The following CFAP46 variants were observed in gnomAD, a reference collection of about 807,000 sequenced individuals.
CFAP46 encodes cilia and flagella associated protein 46, also known as cilia- and flagella-associated protein 46.
A neutral mutation model predicts 325.7 loss-of-function variants in CFAP46; 245 were observed. The ratio of observed to expected loss-of-function variants is 0.75; its 90% CI spans 0.68 to 0.84. The LOEUF (loss-of-function observed/expected upper bound fraction) is 0.84, where lower values mean the gene tolerates loss of function less well. Among genes scored for constraint, CFAP46 ranks in the 40% least tolerant of loss-of-function variants. The pLI, the probability that CFAP46 is intolerant of heterozygous loss-of-function variation, is 0.00. For missense variants in CFAP46, 3,346 were observed against 3,543.0 expected, an observed-to-expected ratio of 0.94 and a Z score of 1.41; for synonymous variants, 1,523 against 1,495.9, an observed-to-expected ratio of 1.02 and a Z score of -0.42.
intron 53 of CFAP46, 31 bp from the exon 54 acceptor site, chr10:132,814,285 C>T (rs535072417): frequency 1.3e-4 from 202 of 1,563,820 alleles, no homozygotes; most frequent in Middle Eastern, 1.7e-4. Context: ...ATACAGACCA[C>T]GGTGTTTCAT....
At chr10:132,878,183 C>T (rs1591067546) in intron 29 of CFAP46, 96 bp from the exon 30 acceptor site, 7 of 1,154,396 alleles carry the variant, frequency 6.1e-6, no homozygotes, top group African/African-American at 1.5e-5. Context: ...CTCAGACCCG[C>T]GGGGCTCCCC....
chr10:132,901,359 CT>C (rs1370979197), intron 22 of CFAP46, among the ~76,000 whole-genome samples: 1 of 152,188 alleles, frequency 6.6e-6, no homozygotes, highest in East Asian at 1.9e-4. Flanking sequence ...CCTTTCTTCC[CT>C]TTTTTTGCAT....
At chr10:132,868,202 G>A (rs1454778315) in intron 33 of CFAP46, among the ~76,000 whole-genome samples, 8 of 152,152 alleles carry the variant, frequency 5.3e-5, no homozygotes, top group East Asian at 1.9e-4. Context: ...CCGAGACGTC[G>A]CTGCTCCCAG....
chr10:132,832,853 C>G lies in CFAP46; in HGVS notation c.7117+505G>C, dbSNP rs1479799476. ...TGTTTACTACACATCTGGTCCCCTC[C>G]TTTGAAACAGGTATTTGTGGGGGCA... On this transcript the variant is annotated intron_variant, in intron 50 of 57. Transcript: ENST00000368586. The surrounding 1 kb of genome is among the most constrained non-coding windows in gnomAD (Gnocchi z 4.1). 3.4e-5 allele frequency: 16 copies of G among 469,410 alleles called. No individual in the cohort carries two copies. Among genetic ancestry groups the G allele is most frequent in the Non-Finnish European group, 6.6e-5 (15 of 225,870 alleles). 29.1% of individuals were successfully genotyped at this position (469,410 alleles called of 1,614,324 possible). A position where few individuals can be genotyped will look rare whatever the true frequency, so the allele number is the denominator to read the frequency against.
At chr10:132,820,758 A>G (rs1211377838) in intron 50 of CFAP46, among the ~76,000 whole-genome samples, 1 of 73,920 alleles carries the variant, frequency 1.4e-5, no homozygotes. Context: ...GTGTGTGCTG[A>G]TGTGTGCTGT....
Position 132,912,732 on chromosome 10 carries a change from T to C in CFAP46, c.2422A>G (p.Arg808Gly), listed in dbSNP as rs1158421949. The part of the protein sequence containing the change: ...WIPVQAAEKS[R>G]KFMRPNAFHS... ...AACGCGTTTGGTCGCATGAATTTCC[T>C]GGACTTCTCGGCAGCCTGGACTGGA... The change falls in exon 19 of 58, where the codon AGG (arginine) becomes GGG (glycine). Residue 808 changes from arginine to glycine, a missense_variant. Coordinates refer to ENST00000368586, the MANE Select transcript of CFAP46 (RefSeq NM_001200049.3). 1 of 1,550,400 alleles carries C rather than the reference T, an allele frequency of 6.4e-7. No homozygotes were observed. The highest frequency in any genetic ancestry group is 1.2e-5 in the South Asian group (1 of 84,066).
At chr10:132,891,298 C>T (rs964610322) in intron 25 of CFAP46, among the ~76,000 whole-genome samples, 9 of 152,146 alleles carry the variant, frequency 5.9e-5, no homozygotes, top group Admixed American at 6.5e-5. Flanking sequence ...TGAAGTATGC[C>T]TGAAAAACGA....
rs537340056 is a variant in CFAP46, at chr10:132,869,939, G to A, written c.4512-567C>T. On this transcript the variant is annotated intron_variant, in intron 32 of 57. Transcript: ENST00000368586. The surrounding 1 kb of genome is among the most constrained non-coding windows in gnomAD (Gnocchi z 6.2). ...CATTTATCAAACTGTGCTGTATTGC[G>A]CTGCTCAGATGTTGCATATTTTACA... Among the ~76,000 whole-genome samples the A allele has an allele frequency of 2.2e-4, 34 of 152,268 alleles. No individual in the cohort carries two copies. Among genetic ancestry groups the A allele is most frequent in the Non-Finnish European group, 1.8e-4 (12 of 68,030 alleles).
chr10:132,936,751 G>C (rs916118067), intron 7 of CFAP46, among the ~76,000 whole-genome samples: 2 of 152,022 alleles, frequency 1.3e-5, no homozygotes, highest in Non-Finnish European at 2.9e-5. Flanking sequence ...TCTCCTCTGT[G>C]CTGGGAGGGA....
rs370707045 is a variant in CFAP46 at position 132,850,254 on chromosome 10, G to T, written c.5942C>A (p.Ala1981Glu). 442 of 1,550,526 alleles carry T rather than the reference G, an allele frequency of 2.9e-4. No individual in the cohort carries two copies. Among genetic ancestry groups the T allele is most frequent in the Non-Finnish European group, 3.7e-4 (425 of 1,146,880 alleles). Residue 1981 changes from alanine to glutamate, a missense_variant, in exon 41 of 58, where the codon GCG becomes GAG. Physicochemically the swap from Ala to Glu is moderately radical, Grantham distance 107. Transcript: ENST00000368586. ...AGCAGGAGCACCTACCGAGGGGCCC[G>T]CCTCCCAGTAGCAGGTAGGGTGCAC... Reference protein sequence around the residue: ...DPVHPTCYWEAGPSVGAKLSG... With the variant: ...DPVHPTCYWEEGPSVGAKLSG...
Position 132,938,610 on chromosome 10 carries a change from T to A in CFAP46, c.515A>T (p.Glu172Val). ...TCACAGCATCAGCTCAGCACGCCAC[T>A]CCTTGTCTTCCTCCTCAGTCTGACT... ...VLSQTEEEDK[E>V]WRAELMLELL... The change falls in exon 5 of 58, where the codon GAG (glutamate) becomes GTG (valine). Residue 172 changes from glutamate to valine, a missense_variant. Glu to Val is a moderately radical substitution (Grantham distance 121). Transcript: ENST00000368586. 6.2e-7 allele frequency: 1 copy of A among 1,613,352 alleles called. No individual in the cohort carries two copies. Among genetic ancestry groups the A allele is most frequent in the Non-Finnish European group, 8.5e-7 (1 of 1,179,968 alleles).
Position 132,822,989 on chromosome 10 carries a change from CTG to C in CFAP46, c.7118-8077_7118-8076del, listed in dbSNP as rs1247095593. 8.0e-5 allele frequency among the ~76,000 whole-genome samples: 9 copies of C among 112,304 alleles called. No homozygotes were observed. In the East Asian group the frequency reaches 1.5e-3, roughly 19 times the overall value. 73.7% of individuals were successfully genotyped at this position (112,304 alleles called of 152,430 possible). A position where few individuals can be genotyped will look rare whatever the true frequency, so the allele number is the denominator to read the frequency against. On this transcript the variant is annotated intron_variant, in intron 50 of 57. Transcript: ENST00000368586. The stretch of plus-strand genomic sequence containing the variant: ...TGTGCTGTGTGTGCAGTGATGTGTG[CTG>C]TGTGTGTGCTGATGTGTGCTGTGTG...
chr10:132,814,626 A>G lies in CFAP46; in HGVS notation c.7250-14T>C, dbSNP rs1461638406. On this transcript the variant is annotated splice_polypyrimidine_tract_variant and intron_variant, in intron 52 of 57. Transcript: ENST00000368586. ...GGTCCACGACGACTGGGTCCCGGTC[A>G]AGGAGAAACGGGAGCACAGGGCGGG... The G allele has an allele frequency of 1.9e-6, 3 of 1,579,154 alleles. No individual in the cohort carries two copies. The highest frequency in any genetic ancestry group is 2.6e-6 in the Non-Finnish European group (3 of 1,162,886).
chr10:132,899,535 C>A lies in CFAP46; in HGVS notation c.3056G>T (p.Arg1019Met), dbSNP rs1193497360. The A allele has an allele frequency of 3.2e-6, 5 of 1,546,276 alleles. No homozygotes were observed. Residue 1019 changes from arginine to methionine, a missense_variant and splice_region_variant, in exon 23 of 58, where the codon AGG (arginine) becomes ATG (methionine). Arg to Met is a moderately conservative substitution (Grantham distance 91). Transcript: ENST00000368586. ...VAAKAFTESA[R>M]FGGIAGSSAL... ...ACCCCAGCCCCTTAGAGCCACACAC[C>A]TGGCGCTCTCCGTGAAGGCCTTGGC...
At chr10:132,880,448 A>C (rs993499025) in intron 28 of CFAP46, among the ~76,000 whole-genome samples, 1 of 152,192 alleles carries the variant, frequency 6.6e-6, no homozygotes, top group African/African-American at 2.4e-5. Context: ...AGTCAGAAGC[A>C]ACTTTGGGGA....
rs1416667641 is a variant in CFAP46, at chr10:132,939,302, C to T, written c.372-549G>A. Among the ~76,000 whole-genome samples, 1 of 152,170 alleles carries T rather than the reference C, an allele frequency of 6.6e-6. No homozygotes were observed. The highest frequency in any genetic ancestry group is 1.5e-5 in the Non-Finnish European group (1 of 68,022). On this transcript the variant is annotated intron_variant, in intron 4 of 57. Coordinates refer to ENST00000368586, the MANE Select transcript of CFAP46 (RefSeq NM_001200049.3). The surrounding 1 kb of genome is among the most constrained non-coding windows in gnomAD (Gnocchi z 4.6). ...CTTTGGGAAACAAAGTTCCCGTCTG[C>T]CAGCATAGAGTGTGAAGTGGAGGAG...
intron 40 of CFAP46, 112 bp downstream of exon 40, chr10:132,851,005 C>G (rs535091277): frequency 3.4e-5 from 45 of 1,308,330 alleles, no homozygotes; most frequent in Non-Finnish European, 4.6e-5. Context: ...CCAGCTGACC[C>G]GCACCGCCAG....
chr10:132,834,238 C>T (rs558673482), intron 48 of CFAP46, 115 bp from the exon 49 acceptor site: 15 of 942,998 alleles, frequency 1.6e-5, no homozygotes, highest in Middle Eastern at 4.7e-4. Flanking sequence ...CGAATCCCCA[C>T]GCTCACTTCT....
At chr10:132,927,618 AG>A (rs1401085671) in intron 9 of CFAP46, among the ~76,000 whole-genome samples, 1 of 152,210 alleles carries the variant, frequency 6.6e-6, no homozygotes, top group African/African-American at 2.4e-5. Flanking sequence ...CAGGCTTCAC[AG>A]AGGTCAGAAA....
Sources: allele counts gnomAD v4.1 joint callset (sites outside exome capture counted in the v4.1 genomes callset), GRCh38; gene constraint gnomAD v4.1.1; non-coding constraint Gnocchi (gnomAD v3.1); transcripts MANE v1.5; gene names NCBI Gene and HGNC (gene_info 2026-07-23, HGNC 2026-07-21).